Variants in TRIO observed in about 807,000 individuals in gnomAD.
The protein encoded by TRIO is trio Rho guanine nucleotide exchange factor.
A neutral mutation model predicts 351.9 loss-of-function variants in TRIO; 58 were observed. The ratio of observed to expected loss-of-function variants is 0.16; its 90% CI spans 0.13 to 0.21. The LOEUF (loss-of-function observed/expected upper bound fraction) is 0.21, where lower values mean the gene tolerates loss of function less well. TRIO is among the 10% of genes least tolerant of loss of function. The pLI, the probability that TRIO is intolerant of heterozygous loss-of-function variation, is 1.00. For synonymous variants in TRIO, 1,758 were observed against 1,595.7 expected (o/e 1.10, Z -2.42); for missense variants, 3,201 against 4,027.8 (o/e 0.79, Z 5.56).
rs1187649856 is a variant in TRIO at position 14,388,702 on chromosome 5, T to G, written c.3948+23T>G. On this transcript the variant is annotated intron_variant, in intron 24 of 56. Transcript: ENST00000344204. ...GATGTAAGTAAGTTTTTTTTTTTTTTTTTTGCTTGTTTATTTAGATTGAGC... is the reference window on the plus strand; with the variant it reads ...GATGTAAGTAAGTTTTTTTTTTTTTGTTTTGCTTGTTTATTTAGATTGAGC... 3 of 1,600,510 alleles carry G rather than the reference T, an allele frequency of 1.9e-6. No homozygotes were observed. In the African/African-American group the frequency reaches 4.1e-5, roughly 22 times the overall value.
Position 14,316,554 on chromosome 5 carries a change from G to A in TRIO, c.1542G>A (p.Arg514=), listed in dbSNP as rs944367544. ...AGTCGCTCCTTGACAAGCTCCAGCG[G>A]CCCTTGACTCCCGGCAGCTCCGATT... is the stretch of plus-strand genomic sequence containing the variant. ...DGKSLLDKLQ[R]PLTPGSSDSL... The change falls in exon 9 of 57, where the codon CGG becomes CGA. Residue 514 remains arginine, a synonymous_variant. Coordinates refer to ENST00000344204, the MANE Select transcript of TRIO (RefSeq NM_007118.4). 6.2e-7 allele frequency: 1 copy of A among 1,614,192 alleles called. No individual in the cohort carries two copies. Among genetic ancestry groups the A allele is most frequent in the Non-Finnish European group, 8.5e-7 (1 of 1,180,020 alleles).
chr5:14,209,786 G>C (rs961300768), intron 1 of TRIO, among the ~76,000 whole-genome samples: 8 of 152,264 alleles, frequency 5.3e-5, no homozygotes, highest in African/African-American at 1.4e-4. Context: ...AAAATTGACA[G>C]TATTGGCCCT....
chr5:14,222,749 C>T (rs1031296862), intron 1 of TRIO, among the ~76,000 whole-genome samples: 7 of 152,176 alleles, frequency 4.6e-5, no homozygotes, highest in African/African-American at 7.2e-5. Flanking sequence ...CTGAGGGGCA[C>T]CTCCTCTCCC....
At chr5:14,489,590 C>T (rs1349115766) in intron 48 of TRIO, among the ~76,000 whole-genome samples, 1 of 152,218 alleles carries the variant, frequency 6.6e-6, no homozygotes, top group African/African-American at 2.4e-5. Flanking sequence ...CAGTTAGCAT[C>T]TAGAGCTCAT....
intron 1 of TRIO, among the ~76,000 whole-genome samples, chr5:14,207,751 C>A (rs1429450768): frequency 6.6e-6 from 1 of 151,982 alleles, no homozygotes; most frequent in Admixed American, 6.6e-5. Context: ...AAGCCACAGA[C>A]CAAGACAAAA....
At chr5:14,428,671 A>G (rs1750844859) in intron 34 of TRIO, among the ~76,000 whole-genome samples, 1 of 152,226 alleles carries the variant, frequency 6.6e-6, no homozygotes, top group South Asian at 2.1e-4. Flanking sequence ...CCAACTTTAC[A>G]TTAAAGTGTT....
intron 1 of TRIO, among the ~76,000 whole-genome samples, chr5:14,211,582 A>G (rs1470434362): frequency 2.1e-5 from 3 of 140,644 alleles, no homozygotes; most frequent in Non-Finnish European, 3.0e-5. Context: ...TCCTGAGCAC[A>G]CTCAGTTGTT....
At chr5:14,294,646 G>A (rs934331292) in intron 6 of TRIO, among the ~76,000 whole-genome samples, 3 of 152,182 alleles carry the variant, frequency 2.0e-5, no homozygotes, top group Admixed American at 6.5e-5. Flanking sequence ...CAGGAAAATG[G>A]GTTGTGGACG....
chr5:14,251,359 G>T (rs7703674), intron 1 of TRIO, among the ~76,000 whole-genome samples: 1 of 152,082 alleles, frequency 6.6e-6, no homozygotes, highest in African/African-American at 2.4e-5. Flanking sequence ...CAGCACTCAC[G>T]GGCAGCACGT....
chr5:14,327,889 T>G (rs536308806), intron 9 of TRIO, among the ~76,000 whole-genome samples: 2 of 152,332 alleles, frequency 1.3e-5, no homozygotes, highest in African/African-American at 4.8e-5. Flanking sequence ...TCTTTAGCCG[T>G]GGAATGGACC....
intron 48 of TRIO, chr5:14,492,267 G>A (rs905838447): frequency 6.8e-5 from 28 of 413,564 alleles, no homozygotes; most frequent in African/African-American, 3.6e-4. Flanking sequence ...AGATGTTCCC[G>A]TGAGGGTGCA....
At chr5:14,185,979 T>C (rs1790086061) in intron 1 of TRIO, among the ~76,000 whole-genome samples, 1 of 152,212 alleles carries the variant, frequency 6.6e-6, no homozygotes, top group Non-Finnish European at 1.5e-5. Flanking sequence ...AGTAAATGTT[T>C]TCAGAATATT....
At chr5:14,328,236 AC>A (rs1355281516) in intron 9 of TRIO, among the ~76,000 whole-genome samples, 5 of 152,246 alleles carry the variant, frequency 3.3e-5, no homozygotes, top group African/African-American at 1.2e-4. Flanking sequence ...TGCACTCAAT[AC>A]GTTAAAACAA....
intron 27 of TRIO, among the ~76,000 whole-genome samples, chr5:14,392,950 G>C (rs1282782439): frequency 6.6e-6 from 1 of 152,046 alleles, no homozygotes. Context: ...GGGAGGCTGA[G>C]GCAGGAGAAT....
At position 14,461,276 on chromosome 5, in the gene TRIO, A is replaced by G. The variant is rs1178441230; in HGVS notation, c.5461A>G (p.Ser1821Gly). The G allele has an allele frequency of 6.3e-7, 1 of 1,596,162 alleles. No homozygotes were observed. The highest frequency in any genetic ancestry group is 1.1e-5 in the South Asian group (1 of 88,876). Residue 1821 changes from serine (S) to glycine (G), a missense_variant, in exon 35 of 57, where the codon AGT becomes GGT. Transcript: ENST00000344204. The part of the protein sequence containing the change: ...DAGSQKDSDD[S>G]AATPQDETVE... ...CGGCTCGCAGAAGGACTCCGACGAC[A>G]GTGCGGCCACCCCGCAGGACGAGAC...
rs1286123257 is a variant in TRIO at position 14,207,327 on chromosome 5, C to T, written c.157+63445C>T. Among the ~76,000 whole-genome samples the T allele has an allele frequency of 5.6e-3, 298 of 53,464 alleles. 98 individuals carry two copies. Among genetic ancestry groups the T allele is most frequent in the Middle Eastern group, 0.028 (2 of 72 alleles). The allele number at this position is 53,464 out of a possible 152,430, so 35.1% of individuals were successfully genotyped here. ...ATAGCAAGACTGTCTCTCACACACACACACACACACACACACACACACACA... is the reference window on the plus strand; with the variant it reads ...ATAGCAAGACTGTCTCTCACACACATACACACACACACACACACACACACA... On this transcript the variant is annotated intron_variant, in intron 1 of 56. Transcript: ENST00000344204.
At chr5:14,376,310 A>G (rs1216982872) in intron 19 of TRIO, among the ~76,000 whole-genome samples, 1 of 152,278 alleles carries the variant, frequency 6.6e-6, no homozygotes. Flanking sequence ...TGTTTGTTTC[A>G]TAAACTTCTA....
intron 1 of TRIO, among the ~76,000 whole-genome samples, chr5:14,162,303 C>T (rs563760801): frequency 6.6e-6 from 1 of 152,106 alleles, no homozygotes; most frequent in East Asian, 1.9e-4. Context: ...CATTTGAAGT[C>T]ACTGTGTTGC....
chr5:14,310,107 T>C (rs895788497), intron 8 of TRIO, among the ~76,000 whole-genome samples: 20 of 152,272 alleles, frequency 1.3e-4, no homozygotes, highest in African/African-American at 4.3e-4. Context: ...TGAGCTTATC[T>C]TGTTGGCTAC....
Sources: allele counts gnomAD v4.1 joint callset (sites outside exome capture counted in the v4.1 genomes callset), GRCh38; gene constraint gnomAD v4.1.1; transcripts MANE v1.5; gene names NCBI Gene and HGNC (gene_info 2026-07-23, HGNC 2026-07-21).